Variants in KIF5C observed in about 807,000 individuals in gnomAD.
KIF5C encodes kinesin heavy chain isoform 5C.
Under a neutral mutation model 125.2 loss-of-function variants are expected in KIF5C, and 18 were observed. That is an observed-to-expected ratio of 0.14 (90% CI 0.10 to 0.21). KIF5C has a LOEUF of 0.21. Ranked by LOEUF, KIF5C falls within the 10% of genes least tolerant of loss-of-function variation. The probability of loss-of-function intolerance (pLI) is 1.00; values close to 1 mark genes in which losing one functional copy is unlikely to be tolerated. For synonymous variants in KIF5C, 405 were observed against 434.0 expected (o/e 0.93, Z 0.83); for missense variants, 780 against 1,183.8 (o/e 0.66, Z 5.01).
chr2:148,943,521 C>G (rs1682456803), intron 7 of KIF5C, among the ~76,000 whole-genome samples: 1 of 152,098 alleles, frequency 6.6e-6, no homozygotes, highest in Non-Finnish European at 1.5e-5. Flanking sequence ...GGTGTGTGGA[C>G]AATGTAATAT....
At chr2:148,891,395 T>A (rs527337202) in intron 1 of KIF5C, among the ~76,000 whole-genome samples, 65 of 152,210 alleles carry the variant, frequency 4.3e-4, no homozygotes, top group South Asian at 6.2e-4. Flanking sequence ...TCTTTTTTTT[T>A]TTATTATTAT....
At chr2:148,958,567 T>C (rs1682852603) in intron 10 of KIF5C, among the ~76,000 whole-genome samples, 1 of 152,222 alleles carries the variant, frequency 6.6e-6, no homozygotes, top group Admixed American at 6.5e-5. Context: ...CAGGTATATG[T>C]ATTTTATATA....
Position 148,994,525 on chromosome 2 carries a change from G to A in KIF5C, c.2010G>A (p.Lys670=), listed in dbSNP as rs555363284. The A allele has an allele frequency of 1.9e-6, 3 of 1,562,952 alleles. No individual in the cohort carries two copies. In the South Asian group the frequency reaches 3.5e-5, roughly 18 times the overall value. The part of the protein sequence containing the change: ...SQDSLSEELA[K]LRAQEKMHEV... ...ACTCGCTCAGCGAAGAGCTGGCAAA[G>A]CTCCGAGCCCAGGGTAAATATTTGA... The change falls in exon 17 of 26, where the codon AAG becomes AAA. Residue 670 remains lysine (K), a synonymous_variant. Transcript: ENST00000435030.
At chr2:148,893,625 C>A (rs1681764630) in intron 1 of KIF5C, among the ~76,000 whole-genome samples, 3 of 152,318 alleles carry the variant, frequency 2.0e-5, no homozygotes, top group Admixed American at 2.0e-4. Flanking sequence ...TTAGTCACTT[C>A]CTTCTTGGAA....
intron 1 of KIF5C, among the ~76,000 whole-genome samples, chr2:148,906,203 A>G (rs1681100789): frequency 6.6e-6 from 1 of 152,180 alleles, no homozygotes; most frequent in Non-Finnish European, 1.5e-5. Flanking sequence ...AAATTCAGCA[A>G]GTACATTTTA....
chr2:148,926,263 T>C (rs1040009598), intron 2 of KIF5C, among the ~76,000 whole-genome samples: 3 of 152,236 alleles, frequency 2.0e-5, no homozygotes, highest in Non-Finnish European at 4.4e-5. Context: ...GAGAAGGCTC[T>C]GGGCACCTGC....
At chr2:148,990,365 G>C (rs1558935649) in intron 15 of KIF5C, among the ~76,000 whole-genome samples, 1 of 152,216 alleles carries the variant, frequency 6.6e-6, no homozygotes, top group Non-Finnish European at 1.5e-5. Context: ...GAACAGGTGT[G>C]AAAAGGCAAA....
Position 148,956,853 on chromosome 2 carries a change from C to A in KIF5C, c.969-5118C>A, listed in dbSNP as rs1027024694. On this transcript the variant is annotated intron_variant, in intron 10 of 25. Transcript: ENST00000435030. ...CCTGAGAGTTTTTAGAAATGAAGAA[C>A]CCACTTTTGTATTTCTTTGTGAATG... Among the ~76,000 whole-genome samples the A allele has an allele frequency of 2.6e-5, 4 of 152,248 alleles. No homozygotes were observed. The South Asian group carries it at 6.2e-4, about 24-fold the overall frequency.
At chr2:148,915,793 C>T (rs11885388) in intron 1 of KIF5C, among the ~76,000 whole-genome samples, 25,250 of 152,144 alleles carry the variant, frequency 0.17, 3,391 homozygotes, top group African/African-American at 0.37. Flanking sequence ...GGCAGGGAAG[C>T]GAAGGACCCA....
At chr2:148,972,924 G>C (rs1056838985) in intron 11 of KIF5C, among the ~76,000 whole-genome samples, 1 of 152,208 alleles carries the variant, frequency 6.6e-6, no homozygotes, top group Non-Finnish European at 1.5e-5. Context: ...TAATGAAACA[G>C]TGACATAATT....
intron 15 of KIF5C, among the ~76,000 whole-genome samples, chr2:148,986,976 G>A (rs992324366): frequency 3.3e-5 from 5 of 152,182 alleles, no homozygotes; most frequent in Non-Finnish European, 7.4e-5. Context: ...TGGTGGCACT[G>A]AACTGTCAAC....
chr2:148,888,625 T>C (rs146829086), intron 1 of KIF5C: 36 of 152,230 alleles, frequency 2.4e-4, no homozygotes, highest in African/African-American at 8.7e-4. Flanking sequence ...GTCTCTGTTG[T>C]CTGGGTTGGC....
intron 8 of KIF5C, chr2:148,947,911 C>T (rs1286870200): frequency 2.2e-6 from 1 of 456,762 alleles, no homozygotes; most frequent in Non-Finnish European, 4.4e-6. Context: ...CCACTTATTG[C>T]ACTACATCAC....
chr2:148,989,721 A>G (rs894214285), intron 15 of KIF5C, among the ~76,000 whole-genome samples: 1 of 151,858 alleles, frequency 6.6e-6, no homozygotes, highest in African/African-American at 2.4e-5. Context: ...TTTGATTTGC[A>G]TTTCACTGAT....
In KIF5C at chr2:148,875,575, G is replaced by GCCCCCCCCCCATCCCCCCGCCCC; in HGVS notation, c.-37_-36insCCCCATCCCCCCGCCCCCCCCCC. ...TCCTCCCTCGTCGTTCCCGGCCCCGGCCCCCCACCCATCCCCGTGCCCCCT... is the reference window on the plus strand; with the variant it reads ...TCCTCCCTCGTCGTTCCCGGCCCCGGCCCCCCCCCCATCCCCCCGCCCCCCCCCCACCCATCCCCGTGCCCCCT... On this transcript the variant is annotated 5_prime_UTR_variant, in exon 1 of 26. Transcript: ENST00000435030. 1 of 699,606 alleles carries GCCCCCCCCCCATCCCCCCGCCCC rather than the reference G, an allele frequency of 1.4e-6. No individual in the cohort carries two copies. Among genetic ancestry groups the GCCCCCCCCCCATCCCCCCGCCCC allele is most frequent in the Non-Finnish European group, 2.6e-6 (1 of 389,230 alleles). 43.3% of individuals were successfully genotyped at this position (699,606 alleles called of 1,614,324 possible).
rs544678557 is a variant in KIF5C, at chr2:148,916,554, A to G, written c.127-5583A>G. 2.8e-4 allele frequency among the ~76,000 whole-genome samples: 42 copies of G among 152,206 alleles called. 1 individual carries two copies. In the South Asian group the frequency reaches 8.5e-3, roughly 31 times the overall value. ...AGCTGGTACATTGTGAATGACCGTC[A>G]CTTTTTCATTTCACTTCATTTAGGG... On this transcript the variant is annotated intron_variant, in intron 1 of 25. Transcript: ENST00000435030.
intron 1 of KIF5C, among the ~76,000 whole-genome samples, chr2:148,909,520 A>G (rs922168289): frequency 6.6e-6 from 1 of 152,260 alleles, no homozygotes; most frequent in Admixed American, 6.5e-5. Flanking sequence ...GTTTTTGAAC[A>G]GTACTTGGCA....
chr2:148,922,450 T>C (rs1553462679), intron 2 of KIF5C, among the ~76,000 whole-genome samples: 1 of 152,222 alleles, frequency 6.6e-6, no homozygotes, highest in Non-Finnish European at 1.5e-5. Flanking sequence ...TTTATTTCTT[T>C]TGCCACCTTT....
chr2:149,006,303 G>T (rs1682005463), intron 22 of KIF5C, among the ~76,000 whole-genome samples: 1 of 152,154 alleles, frequency 6.6e-6, no homozygotes, highest in Non-Finnish European at 1.5e-5. Context: ...GAGGGAGAGG[G>T]TTAATAGTGT....
Sources: gnomAD v4.1 joint callset for allele counts (sites outside exome capture counted in the v4.1 genomes callset) on GRCh38, gnomAD v4.1.1 for gene constraint, MANE v1.5 for transcripts, NCBI Gene and HGNC (gene_info 2026-07-23, HGNC 2026-07-21) for gene names.